The following DAPK2 variants were observed in gnomAD, a reference collection of about 807,000 sequenced individuals.
DAPK2 encodes death-associated protein kinase 2.
A neutral mutation model predicts 44.1 loss-of-function variants in DAPK2; 35 were observed. That is an observed-to-expected ratio of 0.79 (90% CI 0.61 to 1.05). The LOEUF (loss-of-function observed/expected upper bound fraction) is 1.05. DAPK2 is among the 50% of genes least tolerant of loss of function. The pLI, the probability that DAPK2 is intolerant of heterozygous loss-of-function variation, is 0.00. For synonymous variants in DAPK2, 174 were observed against 182.6 expected (o/e 0.95, Z 0.38); for missense variants, 453 against 483.2 (o/e 0.94, Z 0.59).
intron 1 of DAPK2, among the ~76,000 whole-genome samples, chr15:63,988,959 C>T (rs1170035800): frequency 2.6e-5 from 4 of 151,672 alleles, no homozygotes; most frequent in Non-Finnish European, 5.9e-5. Flanking sequence ...GCAGGGGGAT[C>T]ACTTGAGGCC....
At chr15:64,040,686 G>A (rs1293859477), upstream of DAPK2, among the ~76,000 whole-genome samples, 1 of 152,056 alleles carries the variant, frequency 6.6e-6, no homozygotes, top group African/African-American at 2.4e-5. Flanking sequence ...CGAGGTGGGT[G>A]GATTACTTGA....
chr15:63,911,958 G>A, exon 10 of DAPK2: 2 of 1,614,044 alleles, frequency 1.2e-6, no homozygotes, highest in Non-Finnish European at 1.7e-6. Context: ...GAGCGGGTGA[G>A]GTGGTTGCAC....
chr15:63,979,700 G>A (rs147173980), intron 2 of DAPK2, among the ~76,000 whole-genome samples: 4,372 of 152,164 alleles, frequency 0.029, 96 homozygotes, highest in African/African-American at 0.06. Context: ...ATCACTGGAG[G>A]CCAGGAGTTC....
chr15:63,975,002 C>T lies in DAPK2; in HGVS notation c.315-3441G>A, dbSNP rs565754928. Among the ~76,000 whole-genome samples, 5 of 152,316 alleles carry T rather than the reference C, an allele frequency of 3.3e-5. No homozygotes were observed. The South Asian group carries it at 6.2e-4, about 19-fold the overall frequency. Reference sequence around the variant, plus strand: ...TAATGAGGCATGTCCAACCCCTCTTCCCACCATGGCCTGAAAGTTTTTCAG... The same window carrying T: ...TAATGAGGCATGTCCAACCCCTCTTTCCACCATGGCCTGAAAGTTTTTCAG... On this transcript the variant is annotated intron_variant, in intron 2 of 10. Coordinates refer to ENST00000261891, the Ensembl canonical transcript of DAPK2.
chr15:63,951,443 G>C (rs2077583573), intron 3 of DAPK2, among the ~76,000 whole-genome samples: 1 of 152,104 alleles, frequency 6.6e-6, no homozygotes, highest in Admixed American at 6.5e-5. Flanking sequence ...GTCAAGATAG[G>C]TGACATCGTC....
intron 1 of DAPK2, 62 bp from the exon 3 acceptor site, chr15:63,983,816 C>A: frequency 6.8e-7 from 1 of 1,465,478 alleles, no homozygotes; most frequent in Non-Finnish European, 9.3e-7. Context: ...AATGACCCCA[C>A]TGTCAGCTAC....
chr15:63,934,385 T>C (rs1030151352), intron 4 of DAPK2, among the ~76,000 whole-genome samples: 2 of 150,200 alleles, frequency 1.3e-5, no homozygotes, highest in African/African-American at 2.4e-5. Flanking sequence ...GCCTCCCAAG[T>C]AGCCGGGATT....
chr15:63,910,857 C>T (rs904273264), intron 10 of DAPK2: 1 of 152,212 alleles, frequency 6.6e-6, no homozygotes, highest in East Asian at 1.9e-4. Flanking sequence ...TACTGCCAGC[C>T]TACAGGAAGG....
intron 1 of DAPK2, among the ~76,000 whole-genome samples, chr15:63,989,057 G>A (rs1209195593): frequency 6.6e-6 from 1 of 151,766 alleles, no homozygotes; most frequent in Non-Finnish European, 1.5e-5. Flanking sequence ...GTGCAAGCCT[G>A]TAATCCCAGC....
intron 1 of DAPK2, among the ~76,000 whole-genome samples, chr15:64,037,977 G>A (rs1440907475): frequency 6.6e-6 from 1 of 152,166 alleles, no homozygotes; most frequent in African/African-American, 2.4e-5. Context: ...TGAGCTGCAT[G>A]GGATCTCCAC....
Position 63,919,228 on chromosome 15 carries a change from A to C in DAPK2, c.858+5588T>G, listed in dbSNP as rs960103032. On this transcript the variant is annotated intron_variant, in intron 8 of 10. Coordinates refer to ENST00000261891, the Ensembl canonical transcript of DAPK2. ...ATTTGTCTTTAGAAGCTCTTTGTAC[A>C]GAAAAAGGTCTGTTTACGACACGTC... 18 of 152,348 alleles carry C rather than the reference A, an allele frequency of 1.2e-4. 1 individual carries two copies. Among genetic ancestry groups the C allele is most frequent in the African/African-American group, 4.3e-4 (18 of 41,568 alleles). 9.4% of individuals were successfully genotyped at this position (152,348 alleles called of 1,614,324 possible).
rs557453626 is a variant in DAPK2 at position 63,983,469 on chromosome 15, G to A, written c.314+64C>T. On this transcript the variant is annotated intron_variant, in intron 2 of 10. Coordinates refer to ENST00000261891, the Ensembl canonical transcript of DAPK2. ...CTGCCCCCTGGGGCCTGTGGCTGGA[G>A]TTTCCACTGCTCTGCCTGCCCCTGC... 119 of 1,517,808 alleles carry A rather than the reference G, an allele frequency of 7.8e-5. No individual in the cohort carries two copies. The East Asian group carries it at 2.6e-3, about 33-fold the overall frequency. 94.0% of individuals were successfully genotyped at this position (1,517,808 alleles called of 1,614,324 possible). A position where few individuals can be genotyped will look rare whatever the true frequency, so the allele number is the denominator to read the frequency against.
At chr15:63,937,296 T>C (rs1227471121) in intron 4 of DAPK2, among the ~76,000 whole-genome samples, 2 of 152,192 alleles carry the variant, frequency 1.3e-5, no homozygotes, top group Non-Finnish European at 2.9e-5. Flanking sequence ...CTGTGTTGAG[T>C]GACAACATGC....
At chr15:63,983,438 T>C in intron 2 of DAPK2, 95 bp downstream of exon 3, 1 of 1,151,510 alleles carries the variant, frequency 8.7e-7, no homozygotes, top group Non-Finnish European at 1.3e-6. Flanking sequence ...TTAGGCCTGG[T>C]TGCTGCTGCC....
intron 1 of DAPK2, among the ~76,000 whole-genome samples, chr15:64,016,114 C>T (rs1341717274): frequency 1.3e-5 from 2 of 152,230 alleles, no homozygotes; most frequent in Non-Finnish European, 2.9e-5. Context: ...CTCCAGGGGA[C>T]TGCAGGTCAG....
At chr15:63,913,905 T>C (rs867109225) in intron 8 of DAPK2, among the ~76,000 whole-genome samples, 2 of 152,202 alleles carry the variant, frequency 1.3e-5, no homozygotes, top group Non-Finnish European at 2.9e-5. Context: ...AGAACCAGCC[T>C]TGCAGAGGAA....
At chr15:63,967,458 G>A (rs555023005) in intron 3 of DAPK2, among the ~76,000 whole-genome samples, 80 of 152,244 alleles carry the variant, frequency 5.3e-4, no homozygotes, top group African/African-American at 1.9e-3. Context: ...GACCAAGGTG[G>A]GTGGTGGGGA....
At chr15:63,936,763 T>G (rs1030610608) in intron 4 of DAPK2, among the ~76,000 whole-genome samples, 1 of 152,074 alleles carries the variant, frequency 6.6e-6, no homozygotes, top group Non-Finnish European at 1.5e-5. Flanking sequence ...GAGGATCACT[T>G]GAATCCGGGA....
At chr15:64,012,553 C>A (rs12050807) in intron 1 of DAPK2, among the ~76,000 whole-genome samples, 20,288 of 152,206 alleles carry the variant, frequency 0.13, 2,669 homozygotes, top group East Asian at 0.77. Context: ...ATGGTCCATC[C>A]ATAACAGGTG....
Sources: gnomAD v4.1 joint callset for allele counts (sites outside exome capture counted in the v4.1 genomes callset) on GRCh38, gnomAD v4.1.1 for gene constraint, MANE v1.5 for transcripts, NCBI Gene and HGNC (gene_info 2026-07-23, HGNC 2026-07-21) for gene names.